Variants in CDK19 observed in about 807,000 individuals in gnomAD.
CDK19 encodes cyclin-dependent kinase 19.
CDK19 carries 20 observed loss-of-function variants against 68.3 expected under a neutral mutation model. The observed-to-expected ratio is 0.29, with a 90% CI of 0.21 to 0.43. The LOEUF is 0.43. CDK19 is among the 20% of genes least tolerant of loss of function. The pLI is 1.00. For synonymous variants in CDK19, 221 were observed against 222.8 expected (o/e 0.99, Z 0.07); for missense variants, 339 against 623.5 (o/e 0.54, Z 4.86).
chr6:110,674,438 C>A (rs9487483), intron 2 of CDK19, among the ~76,000 whole-genome samples: 2,124 of 152,296 alleles, frequency 0.014, 53 homozygotes, highest in African/African-American at 0.049. Flanking sequence ...GAAAGCTAGG[C>A]CTCTTGCACC....
At chr6:110,689,061 A>G (rs1772753788) in intron 2 of CDK19, among the ~76,000 whole-genome samples, 1 of 152,146 alleles carries the variant, frequency 6.6e-6, no homozygotes, top group Non-Finnish European at 1.5e-5. Flanking sequence ...CATTGCTGCT[A>G]GCAGAATACG....
At chr6:110,678,304 C>T (rs2114497877) in intron 2 of CDK19, among the ~76,000 whole-genome samples, 1 of 152,188 alleles carries the variant, frequency 6.6e-6, no homozygotes, top group South Asian at 2.1e-4. Flanking sequence ...CCACCCATCT[C>T]CCCTGAACAC....
intron 2 of CDK19, chr6:110,722,245 T>A (rs1018143669): frequency 5.3e-5 from 8 of 152,138 alleles, no homozygotes; most frequent in African/African-American, 1.2e-4. Context: ...TTTTATTATT[T>A]TTTTTTAAAT....
rs1320972624 is a variant in CDK19, at chr6:110,613,765, G to A, written c.*770C>T. The stretch of plus-strand genomic sequence containing the variant: ...CTTTTTAAGGTAGACTTAGCTACAT[G>A]AAGGTTAAAATTGTAATTCTTAATT... On this transcript the variant is annotated 3_prime_UTR_variant, in exon 13 of 13. Transcript: ENST00000368911. 2 of 152,570 alleles carry A rather than the reference G, an allele frequency of 1.3e-5. No homozygotes were observed. Among genetic ancestry groups the A allele is most frequent in the Admixed American group, 1.3e-4 (2 of 15,276 alleles). 9.5% of individuals were successfully genotyped at this position (152,570 alleles called of 1,614,324 possible).
At chr6:110,693,077 A>C (rs1773153872) in intron 2 of CDK19, among the ~76,000 whole-genome samples, 1 of 152,170 alleles carries the variant, frequency 6.6e-6, no homozygotes, top group Non-Finnish European at 1.5e-5. Flanking sequence ...AAGTGAGCAA[A>C]AGCGTTAAAA....
At chr6:110,708,190 C>T (rs1239169444) in intron 2 of CDK19, among the ~76,000 whole-genome samples, 1 of 152,160 alleles carries the variant, frequency 6.6e-6, no homozygotes, top group Non-Finnish European at 1.5e-5. Context: ...GTGACTACCA[C>T]ACTGGACAGT....
chr6:110,614,562 G>A lies in CDK19; in HGVS notation c.1482C>T (p.His494=), dbSNP rs934783611. ...SSSSQQSSQY[H]PSHQAHRY ...AGTACCGGTGGGCCTGGTGAGATGGGTGGTACTGTGAGCTCTGCTGAGACG... is the reference window on the plus strand; with the variant it reads ...AGTACCGGTGGGCCTGGTGAGATGGATGGTACTGTGAGCTCTGCTGAGACG... Residue 494 remains histidine (H), a synonymous_variant, in exon 13 of 13, where the codon CAC becomes CAT. Coordinates refer to ENST00000368911, the MANE Select transcript of CDK19 (RefSeq NM_015076.5). 5.6e-6 allele frequency: 9 copies of A among 1,613,934 alleles called. No individual in the cohort carries two copies. Among genetic ancestry groups the A allele is most frequent in the African/African-American group, 2.7e-5 (2 of 74,906 alleles).
chr6:110,681,482 A>T (rs1388557916), intron 2 of CDK19, among the ~76,000 whole-genome samples: 1 of 152,214 alleles, frequency 6.6e-6, no homozygotes, highest in Non-Finnish European at 1.5e-5. Context: ...TTATAATTTA[A>T]AAACAAATAC....
intron 1 of CDK19, among the ~76,000 whole-genome samples, chr6:110,809,096 T>C (rs1411655520): frequency 6.6e-6 from 1 of 150,652 alleles, no homozygotes. Flanking sequence ...GCGCCTGTAG[T>C]CCCAGCTACT....
intron 4 of CDK19, 40 bp downstream of exon 4, chr6:110,667,394 G>A: frequency 7.3e-7 from 1 of 1,360,926 alleles, no homozygotes; most frequent in Non-Finnish European, 1.0e-6. Context: ...TAAAAGAGTA[G>A]GGAAAAACAT....
intron 1 of CDK19, among the ~76,000 whole-genome samples, chr6:110,748,248 A>G (rs1451653156): frequency 2.0e-5 from 3 of 152,204 alleles, no homozygotes; most frequent in Admixed American, 1.3e-4. Context: ...TCTTTGCAGT[A>G]AGTCAAAAAG....
chr6:110,647,082 C>T (rs1780646771), intron 4 of CDK19, among the ~76,000 whole-genome samples: 1 of 152,118 alleles, frequency 6.6e-6, no homozygotes. Context: ...CTACACCCTC[C>T]TGCCTCCCGA....
Position 110,747,966 on chromosome 6 carries a change from C to T in CDK19, c.129-1765G>A, listed in dbSNP as rs1039067823. ...CCTGAGAAGCTCAACACAATGCTTA[C>T]GATGTAAATTTTATACATTTAATAA... On this transcript the variant is annotated intron_variant, in intron 1 of 12. Transcript: ENST00000368911. Among the ~76,000 whole-genome samples the T allele has an allele frequency of 7.9e-5, 12 of 152,136 alleles. No individual in the cohort carries two copies. In the East Asian group the frequency reaches 1.5e-3, roughly 20 times the overall value.
intron 1 of CDK19, among the ~76,000 whole-genome samples, chr6:110,792,670 G>C (rs988990342): frequency 6.6e-6 from 1 of 152,230 alleles, no homozygotes; most frequent in South Asian, 2.1e-4. Flanking sequence ...ACAGGCGAGG[G>C]ATGGACATTC....
At chr6:110,806,070 T>C (rs139074331) in intron 1 of CDK19, among the ~76,000 whole-genome samples, 82 of 152,184 alleles carry the variant, frequency 5.4e-4, no homozygotes, top group African/African-American at 2.0e-3. Context: ...CTGGGTGCAG[T>C]GGCTGACGCT....
At chr6:110,652,739 A>G (rs1028228346) in intron 4 of CDK19, among the ~76,000 whole-genome samples, 1 of 152,250 alleles carries the variant, frequency 6.6e-6, no homozygotes, top group African/African-American at 2.4e-5. Flanking sequence ...TATGAGCAAC[A>G]CAATGGAATG....
chr6:110,749,053 A>G (rs1256977987), intron 1 of CDK19, among the ~76,000 whole-genome samples: 4 of 152,216 alleles, frequency 2.6e-5, no homozygotes, highest in Non-Finnish European at 4.4e-5. Flanking sequence ...CCTTCAGAGA[A>G]ACTGTTTTCT....
intron 2 of CDK19, among the ~76,000 whole-genome samples, chr6:110,709,660 A>C (rs752647649): frequency 6.6e-6 from 1 of 152,202 alleles, no homozygotes; most frequent in Non-Finnish European, 1.5e-5. Context: ...GGTAGAAAGG[A>C]AAAATGTATT....
intron 2 of CDK19, among the ~76,000 whole-genome samples, chr6:110,737,087 G>A (rs955036140): frequency 2.6e-5 from 4 of 152,198 alleles, no homozygotes; most frequent in African/African-American, 9.6e-5. Context: ...AAGAAGGAAA[G>A]CATCTGCAGC....
Sources: gnomAD v4.1 joint callset for allele counts (sites outside exome capture counted in the v4.1 genomes callset) on GRCh38, gnomAD v4.1.1 for gene constraint, MANE v1.5 for transcripts, NCBI Gene and HGNC (gene_info 2026-07-23, HGNC 2026-07-21) for gene names.